Variants in MYO1D observed in about 807,000 individuals in gnomAD.
MYO1D encodes the protein myosin ID.
A neutral mutation model predicts 122.0 loss-of-function variants in MYO1D; 83 were observed. The ratio of observed to expected loss-of-function variants is 0.68; its 90% confidence interval spans 0.57 to 0.82. The LOEUF (loss-of-function observed/expected upper bound fraction) is 0.82, where lower values mean the gene tolerates loss of function less well. Among genes scored for constraint, MYO1D ranks in the 40% least tolerant of loss-of-function variants. The pLI, the probability that MYO1D is intolerant of heterozygous loss-of-function variation, is 0.00. For synonymous variants in MYO1D, 464 were observed against 446.9 expected (o/e 1.04, Z -0.48); for missense variants, 1,157 against 1,269.5 (o/e 0.91, Z 1.35).
intron 16 of MYO1D, among the ~76,000 whole-genome samples, chr17:32,698,160 C>T (rs1452510863): frequency 2.0e-5 from 3 of 152,194 alleles, no homozygotes; most frequent in Non-Finnish European, 2.9e-5. Context: ...GTTAAATAAC[C>T]AGAATAGTAA....
At chr17:32,669,978 C>T (rs2088690216) in intron 16 of MYO1D, among the ~76,000 whole-genome samples, 1 of 151,586 alleles carries the variant, frequency 6.6e-6, no homozygotes, top group Non-Finnish European at 1.5e-5. Context: ...ACTGCAATCT[C>T]CATTTCCTGG....
rs150057877 is a variant in MYO1D, at chr17:32,876,323, C to T, written c.95+455G>A. On this transcript the variant is annotated intron_variant, in intron 1 of 21. Coordinates refer to ENST00000318217, the MANE Select transcript of MYO1D (RefSeq NM_015194.3). ...AGAAAGAAAAGAAGCAAGTGTAAAG[C>T]CGGGATGAGACGCCAGCCTCTCTCC... Among the ~76,000 whole-genome samples, 881 of 152,270 alleles carry T rather than the reference C, an allele frequency of 5.8e-3. 8 individuals are homozygous for T. Among genetic ancestry groups the T allele is most frequent in the Middle Eastern group, 0.037 (11 of 294 alleles).
Position 32,611,826 on chromosome 17 carries a change from G to A in MYO1D, c.2710-6585C>T, listed in dbSNP as rs188881717. 9.5e-4 allele frequency among the ~76,000 whole-genome samples: 144 copies of A among 152,314 alleles called. 1 individual carries two copies. In the South Asian group the frequency reaches 0.023, roughly 24 times the overall value. ...TGCCCTCCAGCCTGGGCACTGAAGC[G>A]AGACTCCGTCTCAAAAACAAAAAGA... On this transcript the variant is annotated intron_variant, in intron 20 of 21. Coordinates refer to ENST00000318217, the MANE Select transcript of MYO1D (RefSeq NM_015194.3).
Position 32,523,336 on chromosome 17 carries a change from A to AC in MYO1D, c.2865-28422dup, listed in dbSNP as rs1317600130. On this transcript the variant is annotated intron_variant, in intron 21 of 21. Coordinates refer to ENST00000318217, the MANE Select transcript of MYO1D (RefSeq NM_015194.3). ...CCCAACTTCCTTTTACAGACAAGAA[A>AC]CCAGGCCCAAAGAGGTTATGAATTG... The AC allele has an allele frequency of 7.9e-5, 12 of 152,300 alleles. No individual in the cohort carries two copies. The East Asian group carries it at 2.3e-3, about 29-fold the overall frequency. The allele number at this position is 152,300 out of a possible 1,614,324, so 9.4% of individuals were successfully genotyped here.
At chr17:32,828,750 T>A (rs1233479448) in intron 1 of MYO1D, among the ~76,000 whole-genome samples, 1 of 152,218 alleles carries the variant, frequency 6.6e-6, no homozygotes, top group Non-Finnish European at 1.5e-5. Context: ...CTATTTTGAA[T>A]GCCTGCTTCG....
intron 1 of MYO1D, among the ~76,000 whole-genome samples, chr17:32,821,470 A>T (rs1227126260): frequency 6.6e-6 from 1 of 152,148 alleles, no homozygotes; most frequent in African/African-American, 2.4e-5. Flanking sequence ...TCCTTATTGT[A>T]GAGAAATAAG....
chr17:32,653,897 T>G lies in MYO1D; in HGVS notation c.2541A>C (p.Glu847Asp). ...TCATGTATTTGTCCTTCCGTTTCAA[T>G]TCATTAGCAACAGGGACAAAAGTGC... ...TSGTFVPVAN[E>D]LKRKDKYMNV... Residue 847 changes from glutamate (E) to aspartate (D), a missense_variant, in exon 19 of 22, where the codon GAA (glutamate) becomes GAC (aspartate). Transcript: ENST00000318217. The G allele has an allele frequency of 6.2e-7, 1 of 1,614,098 alleles. No homozygotes were observed. Among genetic ancestry groups the G allele is most frequent in the Non-Finnish European group, 8.5e-7 (1 of 1,179,986 alleles).
At chr17:32,555,881 A>C (rs1045566338) in intron 21 of MYO1D, among the ~76,000 whole-genome samples, 37 of 152,212 alleles carry the variant, frequency 2.4e-4, no homozygotes, top group African/African-American at 8.9e-4. Flanking sequence ...GTTGGTCTTC[A>C]CAGTTCCTGT....
chr17:32,729,186 C>T (rs966912229), intron 14 of MYO1D, among the ~76,000 whole-genome samples: 15 of 152,126 alleles, frequency 9.9e-5, no homozygotes, highest in Middle Eastern at 3.4e-3. Flanking sequence ...GGAAAAAAAA[C>T]ACCATTTGTG....
intron 16 of MYO1D, among the ~76,000 whole-genome samples, chr17:32,674,526 GT>G (rs553492167): frequency 5.3e-4 from 79 of 149,524 alleles, no homozygotes; most frequent in Middle Eastern, 3.4e-3. Context: ...TTAAGAATAG[GT>G]TTTTTTTTTA....
intron 16 of MYO1D, among the ~76,000 whole-genome samples, chr17:32,705,346 A>G (rs1205327667): frequency 6.6e-6 from 1 of 151,738 alleles, no homozygotes; most frequent in Non-Finnish European, 1.5e-5. Context: ...TGCAAGCTCC[A>G]CCTCCCAGGT....
At position 32,653,795 on chromosome 17, in the gene MYO1D, T is replaced by C. The variant is rs375690059; in HGVS notation, c.2595+48A>G. Reference sequence around the variant, plus strand: ...CAGGCTTGCTTAAGTGAGTTTCATCTGAATCAGTCTTTCCTTTCCAAGATG... The same window carrying C: ...CAGGCTTGCTTAAGTGAGTTTCATCCGAATCAGTCTTTCCTTTCCAAGATG... On this transcript the variant is annotated intron_variant, in intron 19 of 21. Coordinates refer to ENST00000318217, the MANE Select transcript of MYO1D (RefSeq NM_015194.3). 63 of 1,511,560 alleles carry C rather than the reference T, an allele frequency of 4.2e-5. No individual in the cohort carries two copies. The Middle Eastern group carries it at 8.5e-4, about 20-fold the overall frequency. The allele number at this position is 1,511,560 out of a possible 1,614,324, so 93.6% of individuals were successfully genotyped here.
intron 16 of MYO1D, among the ~76,000 whole-genome samples, chr17:32,672,573 A>G (rs182465228): frequency 2.0e-5 from 3 of 151,890 alleles, no homozygotes; most frequent in Non-Finnish European, 2.9e-5. Context: ...GCCACCTCCA[A>G]CTCCTGGGTT....
chr17:32,844,286 T>G (rs1465860909), intron 1 of MYO1D, among the ~76,000 whole-genome samples: 2 of 146,664 alleles, frequency 1.4e-5, no homozygotes, highest in East Asian at 3.9e-4. Flanking sequence ...GATATATATA[T>G]CATATGTATA....
chr17:32,744,707 GT>G (rs2089812667), intron 13 of MYO1D, among the ~76,000 whole-genome samples: 1 of 152,126 alleles, frequency 6.6e-6, no homozygotes. Context: ...CATTTGCCTA[GT>G]TTTATTTTGC....
chr17:32,500,451 C>G (rs935320940), intron 21 of MYO1D, among the ~76,000 whole-genome samples: 1 of 152,164 alleles, frequency 6.6e-6, no homozygotes, highest in African/African-American at 2.4e-5. Context: ...TCTGTTTTGC[C>G]GCCTTAAGTG....
At chr17:32,496,228 C>T (rs1272086482) in intron 21 of MYO1D, 2 of 152,276 alleles carry the variant, frequency 1.3e-5, no homozygotes, top group East Asian at 3.9e-4. Flanking sequence ...AGCACCTGGC[C>T]CAGCACACGC....
intron 21 of MYO1D, among the ~76,000 whole-genome samples, chr17:32,562,307 C>T (rs2087133245): frequency 6.6e-6 from 1 of 151,742 alleles, no homozygotes; most frequent in African/African-American, 2.4e-5. Context: ...ATCATAAGCA[C>T]TTTCCTTTGA....
chr17:32,756,573 A>G (rs1452253887), intron 10 of MYO1D, among the ~76,000 whole-genome samples: 1 of 151,366 alleles, frequency 6.6e-6, no homozygotes, highest in African/African-American at 2.4e-5. Context: ...TCCACTTAAA[A>G]CGGAAAAAAA....
Sources: gnomAD v4.1 joint callset for allele counts (sites outside exome capture counted in the v4.1 genomes callset) on GRCh38, gnomAD v4.1.1 for gene constraint, MANE v1.5 for transcripts, NCBI Gene and HGNC (gene_info 2026-07-23, HGNC 2026-07-21) for gene names.